Variants in TBL1X observed in about 807,000 individuals in gnomAD.
The protein encoded by TBL1X is F-box-like/WD repeat-containing protein TBL1X.
TBL1X carries 10 observed loss-of-function variants against 50.7 expected under a neutral mutation model. That is an observed-to-expected ratio of 0.20 (90% CI 0.12 to 0.33). TBL1X has a LOEUF of 0.33. Among genes scored for constraint, TBL1X ranks in the 10% least tolerant of loss-of-function variants. The pLI, the probability that TBL1X is intolerant of heterozygous loss-of-function variation, is 1.00. For synonymous variants in TBL1X, 190 were observed against 214.7 expected (o/e 0.88, Z 1.01); for missense variants, 340 against 504.4 (o/e 0.67, Z 3.12).
At chrX:9,554,490 G>C (rs1372075066) in intron 2 of TBL1X, among the ~76,000 whole-genome samples, 1 of 112,179 alleles carries the variant, frequency 8.9e-6, no homozygotes, top group Non-Finnish European at 1.9e-5. Context: ...ATTTGAATTA[G>C]AAAGCCATTT....
At chrX:9,609,944 T>A (rs1466096946) in intron 2 of TBL1X, among the ~76,000 whole-genome samples, 1 of 112,825 alleles carries the variant, frequency 8.9e-6, no homozygotes, top group African/African-American at 3.2e-5. Flanking sequence ...CTTTCTGAGT[T>A]TCTCTTGAAT....
At chrX:9,490,078 G>A (rs1308422838) in intron 1 of TBL1X, among the ~76,000 whole-genome samples, 1 of 111,083 alleles carries the variant, frequency 9.0e-6, no homozygotes, top group Non-Finnish European at 1.9e-5. Flanking sequence ...GTCTCCTCCC[G>A]CCTCAGCCTC....
At chrX:9,698,418 G>C (rs1413795968) in intron 12 of TBL1X, among the ~76,000 whole-genome samples, 1 of 111,880 alleles carries the variant, frequency 8.9e-6, no homozygotes, top group Non-Finnish European at 1.9e-5. Flanking sequence ...ATTAGCAAAG[G>C]GAAACGGTGC....
chrX:9,688,152 G>A lies in TBL1X; in HGVS notation c.493G>A (p.Ala165Thr), dbSNP rs1396593813. The change falls in exon 7 of 18, where the codon GCG becomes ACG. Residue 165 changes from alanine to threonine, a missense_variant. By Grantham distance (58) the Ala-to-Thr change is moderately conservative. This residue lies in a region of TBL1X where 99 missense variants were observed against 93.3 expected (regional missense o/e 1.06). Transcript: ENST00000645353. ...GCAGCAAGCCAGTGCGGCGGCGGCG[G>A]CGGCTGCGGCCACGGCAGCAGCGAC... The part of the protein sequence containing the change: ...AQQQASAAAA[A>T]AAATAAATAA... 4 of 1,197,509 alleles carry A rather than the reference G, an allele frequency of 3.3e-6. No individual in the cohort carries two copies. The highest frequency in any genetic ancestry group is 2.3e-5 in the Admixed American group (1 of 44,210).
upstream of TBL1X, chrX:9,464,924 G>C (rs2081759639): frequency 9.1e-6 from 1 of 109,808 alleles, no homozygotes; most frequent in Non-Finnish European, 1.9e-5. Context: ...CGTAGGGGAG[G>C]GGCTGGTTCG....
At chrX:9,556,220 A>G (rs945176501) in intron 2 of TBL1X, among the ~76,000 whole-genome samples, 4 of 106,872 alleles carry the variant, frequency 3.7e-5, no homozygotes, top group Non-Finnish European at 7.8e-5. Flanking sequence ...CAAAAAAAAC[A>G]GTACAAAGTG....
At chrX:9,497,800 C>G (rs1259097627) in intron 1 of TBL1X, among the ~76,000 whole-genome samples, 1 of 88,426 alleles carries the variant, frequency 1.1e-5, no homozygotes, top group African/African-American at 4.3e-5. Flanking sequence ...CTCTCTCCGT[C>G]TCTTCCTCCC....
intron 2 of TBL1X, among the ~76,000 whole-genome samples, chrX:9,613,667 C>T (rs1339718038): frequency 1.8e-5 from 2 of 111,484 alleles, no homozygotes; most frequent in Non-Finnish European, 3.8e-5. Context: ...TTTGGATACA[C>T]TGAGTAAATC....
At chrX:9,517,251 C>T (rs888361329) in intron 2 of TBL1X, among the ~76,000 whole-genome samples, 1 of 110,602 alleles carries the variant, frequency 9.0e-6, no homozygotes, top group African/African-American at 3.3e-5. Context: ...TGAGGAAATC[C>T]GAGTAGCCTG....
chrX:9,616,272 G>A (rs756437616), intron 2 of TBL1X, among the ~76,000 whole-genome samples: 7 of 112,034 alleles, frequency 6.2e-5, no homozygotes, highest in African/African-American at 2.0e-4. Flanking sequence ...TATTTGAAAC[G>A]TGTGTTTGTA....
intron 11 of TBL1X, 113 bp from the exon 12 acceptor site, chrX:9,697,256 T>TG: frequency 6.1e-6 from 6 of 985,958 alleles, no homozygotes; most frequent in Non-Finnish European, 8.4e-6. Context: ...CTATCTCTAT[T>TG]GGACAGTGCC....
intron 2 of TBL1X, among the ~76,000 whole-genome samples, chrX:9,545,286 A>G (rs957140447): frequency 9.0e-6 from 1 of 111,221 alleles, no homozygotes; most frequent in Middle Eastern, 4.2e-3. Flanking sequence ...TCATGCCTAT[A>G]ATCCCAGCAC....
intron 1 of TBL1X, among the ~76,000 whole-genome samples, chrX:9,492,811 G>T (rs1414079184): frequency 9.3e-6 from 1 of 107,213 alleles, no homozygotes; most frequent in Non-Finnish European, 1.9e-5. Context: ...TGCAGGGAGT[G>T]GAATATTGTT....
chrX:9,550,283 A>G (rs1395080049), intron 2 of TBL1X, among the ~76,000 whole-genome samples: 1 of 112,138 alleles, frequency 8.9e-6, no homozygotes, highest in Non-Finnish European at 1.9e-5. Context: ...AAAGGATAAA[A>G]TAAGAGCTTT....
intron 9 of TBL1X, among the ~76,000 whole-genome samples, 172 bp from the exon 10 acceptor site, chrX:9,692,977 C>A (rs1382504254): frequency 8.9e-6 from 1 of 112,413 alleles, no homozygotes; most frequent in Non-Finnish European, 1.9e-5. Flanking sequence ...TTTTTATTTT[C>A]TGCAAGGTCT....
intron 2 of TBL1X, among the ~76,000 whole-genome samples, chrX:9,615,624 GC>G (rs951307703): frequency 4.5e-5 from 5 of 112,188 alleles, no homozygotes; most frequent in African/African-American, 1.6e-4. Flanking sequence ...CTGAGTTTTA[GC>G]CCTGTAACCA....
chrX:9,617,161 G>A (rs902433215), intron 2 of TBL1X, among the ~76,000 whole-genome samples: 10 of 111,717 alleles, frequency 9.0e-5, no homozygotes, highest in Admixed American at 4.8e-4. Context: ...AGTTGTTGAT[G>A]TGGTGGGCAT....
At chrX:9,638,028 G>A (rs1266900360) in intron 2 of TBL1X, 1 of 111,523 alleles carries the variant, frequency 9.0e-6, no homozygotes, top group Non-Finnish European at 1.9e-5. Context: ...TTTGAATTCA[G>A]TGTTTTGAAG....
intron 2 of TBL1X, among the ~76,000 whole-genome samples, chrX:9,512,170 C>T (rs2082059277): frequency 1.8e-5 from 2 of 111,530 alleles, no homozygotes; most frequent in African/African-American, 6.5e-5. Context: ...GCATGAGTCA[C>T]CACGCCTGGC....
Sources: allele counts gnomAD v4.1 joint callset (sites outside exome capture counted in the v4.1 genomes callset), GRCh38; gene constraint gnomAD v4.1.1; regional missense constraint gnomAD v4.1.1; transcripts MANE v1.5; gene names NCBI Gene and HGNC (gene_info 2026-07-23, HGNC 2026-07-21).